The following TSHZ2 variants were observed in gnomAD, a reference collection of about 807,000 sequenced individuals.
The protein encoded by TSHZ2 is teashirt homolog 2.
A neutral mutation model predicts 74.4 loss-of-function variants in TSHZ2; 21 were observed. That is an observed-to-expected ratio of 0.28 (90% CI 0.20 to 0.41). The LOEUF is 0.41. TSHZ2 is among the 10% of genes least tolerant of loss of function. TSHZ2 has a pLI of 1.00. For synonymous variants in TSHZ2, 540 were observed against 515.3 expected, an observed-to-expected ratio of 1.05 and a Z score of -0.65; for missense variants, 1,244 against 1,293.5, an observed-to-expected ratio of 0.96 and a Z score of 0.59.
At chr20:53,142,524 G>T (rs1437559692) in intron 1 of TSHZ2, among the ~76,000 whole-genome samples, 1 of 152,232 alleles carries the variant, frequency 6.6e-6, no homozygotes, top group Non-Finnish European at 1.5e-5. Flanking sequence ...AGCACAGGAA[G>T]GAAGATAAGG....
chr20:53,394,276 G>C (rs1301172713), intron 2 of TSHZ2, among the ~76,000 whole-genome samples: 1 of 152,126 alleles, frequency 6.6e-6, no homozygotes, highest in Non-Finnish European at 1.5e-5. Flanking sequence ...CCCCAGTTGA[G>C]GTTTGGAATA....
At chr20:53,190,086 AATATATATATAT>A (rs544193424) in intron 1 of TSHZ2, among the ~76,000 whole-genome samples, 634 of 25,070 alleles carry the variant, frequency 0.025, 41 homozygotes, top group African/African-American at 0.026. Context: ...CCCTGTCTCA[AATATATATATAT>A]ATATATATAT....
chr20:53,333,797 T>C (rs1242386428), intron 2 of TSHZ2, among the ~76,000 whole-genome samples: 3 of 152,152 alleles, frequency 2.0e-5, no homozygotes, highest in African/African-American at 7.2e-5. Context: ...ATAGCTCTTA[T>C]GTTTCCTTCC....
intron 2 of TSHZ2, among the ~76,000 whole-genome samples, chr20:53,283,350 T>G (rs1178297282): frequency 6.6e-6 from 1 of 152,224 alleles, no homozygotes; most frequent in Non-Finnish European, 1.5e-5. Context: ...TCCGAGGCAC[T>G]CTTTAAAACT....
chr20:52,975,314 A>G (rs1000805476), intron 1 of TSHZ2, among the ~76,000 whole-genome samples: 5 of 152,270 alleles, frequency 3.3e-5, no homozygotes, highest in African/African-American at 9.6e-5. Flanking sequence ...TTAAATTACC[A>G]GAATGACTGG....
chr20:53,260,907 C>A (rs1436966400), intron 2 of TSHZ2, among the ~76,000 whole-genome samples: 2 of 152,196 alleles, frequency 1.3e-5, no homozygotes, highest in Non-Finnish European at 2.9e-5. Flanking sequence ...AAAATCTCAA[C>A]CTGCTGTTTG....
intron 2 of TSHZ2, among the ~76,000 whole-genome samples, chr20:53,335,370 T>C (rs1979903881): frequency 6.6e-6 from 1 of 152,150 alleles, no homozygotes; most frequent in Non-Finnish European, 1.5e-5. Context: ...ACTTGGACAA[T>C]AGGGAAAGGC....
chr20:53,239,787 G>A (rs1199188476), intron 1 of TSHZ2, among the ~76,000 whole-genome samples: 1 of 152,128 alleles, frequency 6.6e-6, no homozygotes, highest in African/African-American at 2.4e-5. Context: ...GTTAGGGACT[G>A]AAGAATATAT....
intron 1 of TSHZ2, among the ~76,000 whole-genome samples, chr20:53,205,514 G>C (rs1211204494): frequency 1.3e-5 from 2 of 151,954 alleles, no homozygotes; most frequent in Admixed American, 6.6e-5. Flanking sequence ...AAACTATCCT[G>C]GGTCTTTTTA....
chr20:53,361,358 G>A (rs1367401279), intron 2 of TSHZ2, among the ~76,000 whole-genome samples: 3 of 152,232 alleles, frequency 2.0e-5, no homozygotes, highest in Admixed American at 6.5e-5. Context: ...TTGTCCTGGT[G>A]ATAAATGATA....
intron 2 of TSHZ2, chr20:53,400,053 A>G (rs992906452): frequency 6.6e-6 from 1 of 152,554 alleles, no homozygotes; most frequent in Non-Finnish European, 1.5e-5. Context: ...GTTTGGCCAC[A>G]TACTGTAGAG....
chr20:53,437,700 G>A (rs1382363332), intron 2 of TSHZ2, among the ~76,000 whole-genome samples: 1 of 152,180 alleles, frequency 6.6e-6, no homozygotes, highest in African/African-American at 2.4e-5. Flanking sequence ...AATGTTGGAG[G>A]TGGGGCCCAG....
chr20:53,386,176 C>T (rs1005673292), intron 2 of TSHZ2, among the ~76,000 whole-genome samples: 1 of 152,174 alleles, frequency 6.6e-6, no homozygotes, highest in Non-Finnish European at 1.5e-5. Context: ...ATATAACAAG[C>T]CCTGCTCAAG....
intron 2 of TSHZ2, among the ~76,000 whole-genome samples, chr20:53,325,673 T>TTTG (rs1979460172): frequency 1.4e-5 from 2 of 147,580 alleles, no homozygotes; most frequent in South Asian, 4.2e-4. Context: ...TTGTTTGTTG[T>TTTG]TTGTTTGTTT....
intron 2 of TSHZ2, among the ~76,000 whole-genome samples, chr20:53,330,388 A>G (rs557054668): frequency 6.6e-6 from 1 of 152,336 alleles, no homozygotes; most frequent in African/African-American, 2.4e-5. Flanking sequence ...TAAACATAAA[A>G]GGGGTATGAA....
intron 1 of TSHZ2, among the ~76,000 whole-genome samples, chr20:53,064,708 A>ACACAC (rs397730512): frequency 4.9e-4 from 74 of 151,684 alleles, no homozygotes; most frequent in African/African-American, 1.8e-3. Context: ...ACACACACAC[A>ACACAC]ATTGTGTGAA....
intron 1 of TSHZ2, among the ~76,000 whole-genome samples, chr20:53,174,234 T>G (rs781611203): frequency 5.3e-5 from 8 of 152,120 alleles, no homozygotes; most frequent in South Asian, 2.1e-4. Flanking sequence ...TGATAGAGAA[T>G]TAAGGGGAAA....
intron 1 of TSHZ2, among the ~76,000 whole-genome samples, chr20:53,161,530 G>A (rs1987940073): frequency 6.6e-6 from 1 of 152,164 alleles, no homozygotes; most frequent in Non-Finnish European, 1.5e-5. Context: ...TGCATGGCTG[G>A]GTAGGCCTCA....
At chr20:53,202,201 A>G (rs1468492067) in intron 1 of TSHZ2, among the ~76,000 whole-genome samples, 1 of 152,134 alleles carries the variant, frequency 6.6e-6, no homozygotes, top group Non-Finnish European at 1.5e-5. Flanking sequence ...CGGTGATTGG[A>G]GCATTGTAGA....
Sources: gnomAD v4.1 joint callset for allele counts (sites outside exome capture counted in the v4.1 genomes callset) on GRCh38, gnomAD v4.1.1 for gene constraint, MANE v1.5 for transcripts, NCBI Gene and HGNC (gene_info 2026-07-23, HGNC 2026-07-21) for gene names.